The following FRK variants were observed in gnomAD, a reference collection of about 807,000 sequenced individuals.
FRK encodes the protein tyrosine-protein kinase FRK.
Under a neutral mutation model 56.4 loss-of-function variants are expected in FRK, and 51 were observed. The observed-to-expected ratio is 0.90, with a 90% CI of 0.72 to 1.14. The LOEUF (loss-of-function observed/expected upper bound fraction) is 1.14, where lower values mean the gene tolerates loss of function less well. Among genes scored for constraint, FRK ranks in the 50% most tolerant of loss-of-function variants. FRK has a pLI of 0.00. For missense variants in FRK, 570 were observed against 601.4 expected, an observed-to-expected ratio of 0.95 and a Z score of 0.55; for synonymous variants, 245 against 217.9, an observed-to-expected ratio of 1.12 and a Z score of -1.10.
At chr6:115,966,429 A>T (rs181006273) in intron 4 of FRK, among the ~76,000 whole-genome samples, 6 of 152,346 alleles carry the variant, frequency 3.9e-5, no homozygotes, top group South Asian at 2.1e-4. Flanking sequence ...AATATTCAGG[A>T]TGTTGACTTC....
At chr6:115,958,659 A>G (rs1399316187) in intron 4 of FRK, among the ~76,000 whole-genome samples, 3 of 2,640 alleles carry the variant, frequency 1.1e-3, no homozygotes, top group African/African-American at 4.1e-3. Context: ...AAAGAAAGAA[A>G]GAAAGAAAGA....
chr6:116,027,130 C>T (rs1776123342), intron 1 of FRK, among the ~76,000 whole-genome samples: 1 of 152,116 alleles, frequency 6.6e-6, no homozygotes, highest in South Asian at 2.1e-4. Flanking sequence ...CTAATTACTT[C>T]ACAAAGTGAT....
intron 3 of FRK, 113 bp downstream of exon 3, chr6:115,968,463 A>T: frequency 8.5e-7 from 1 of 1,170,688 alleles, no homozygotes; most frequent in Non-Finnish European, 1.2e-6. Context: ...TACCCGCCTG[A>T]GGTAATAAAA....
chr6:115,966,134 A>C lies in FRK; in HGVS notation c.799+1417T>G, dbSNP rs141971698. Among the ~76,000 whole-genome samples, 217 of 152,292 alleles carry C rather than the reference A, an allele frequency of 1.4e-3. 1 individual carries two copies. Among genetic ancestry groups the C allele is most frequent in the African/African-American group, 4.8e-3 (198 of 41,580 alleles). ...CAATTTAATAGCCATTTGAAAAAGTAACACAGGTAAATTGAAAGGAAAACA... is the reference window on the plus strand; with the variant it reads ...CAATTTAATAGCCATTTGAAAAAGTCACACAGGTAAATTGAAAGGAAAACA... On this transcript the variant is annotated intron_variant, in intron 4 of 7. Transcript: ENST00000606080.
chr6:115,990,444 A>G (rs536462389), intron 2 of FRK, among the ~76,000 whole-genome samples: 71 of 151,932 alleles, frequency 4.7e-4, no homozygotes, highest in African/African-American at 1.6e-3. Context: ...ATCTTGGGTT[A>G]ATTTTTGTAT....
At chr6:115,970,402 G>T (rs1773759939) in intron 2 of FRK, among the ~76,000 whole-genome samples, 1 of 152,152 alleles carries the variant, frequency 6.6e-6, no homozygotes, top group South Asian at 2.1e-4. Context: ...TGCCTGATTT[G>T]TAAGGGTTCA....
intron 1 of FRK, chr6:116,038,754 C>A: frequency 8.2e-6 from 4 of 485,214 alleles, no homozygotes. Context: ...AGCTCCAGCG[C>A]CATGGCGACC....
chr6:116,023,189 T>G (rs1331970387), intron 1 of FRK, among the ~76,000 whole-genome samples: 2 of 152,210 alleles, frequency 1.3e-5, no homozygotes, highest in Non-Finnish European at 2.9e-5. Context: ...CTCTCATATG[T>G]AAAGTCAAAA....
chr6:116,029,033 CA>C (rs1376227892), intron 1 of FRK, among the ~76,000 whole-genome samples: 6 of 152,114 alleles, frequency 3.9e-5, no homozygotes, highest in African/African-American at 1.4e-4. Context: ...GCTCCAGCCA[CA>C]CCAAGCTCCT....
At chr6:116,088,507 A>T in the FRK span, among the ~76,000 whole-genome samples, 1 of 152,210 alleles carries the variant, frequency 6.6e-6, no homozygotes, top group African/African-American at 2.4e-5. Flanking sequence ...AATCTCACCA[A>T]ATAACATTTA....
chr6:115,991,941 T>G (rs1175911240), intron 2 of FRK, among the ~76,000 whole-genome samples: 2 of 151,612 alleles, frequency 1.3e-5, no homozygotes, highest in African/African-American at 4.8e-5. Flanking sequence ...TATTACTGAT[T>G]CAGTTTCAGT....
At position 115,956,544 on chromosome 6, in the gene FRK, A is replaced by C; in HGVS notation, c.866T>G (p.Leu289Arg). The C allele has an allele frequency of 6.3e-7, 1 of 1,595,138 alleles. No homozygotes were observed. Among genetic ancestry groups the C allele is most frequent in the South Asian group, 1.2e-5 (1 of 85,272 alleles). ...QIMKNLRHPK[L>R]IQLYAVCTLE... ...AGTGCAAACAGCATAAAGCTGGATA[A>C]GCTTTGGATGTCTTAGGTTCTTCAT... is the stretch of plus-strand genomic sequence containing the variant. Residue 289 changes from leucine (L) to arginine (R), a missense_variant, in exon 5 of 8, where the codon CTT (leucine) becomes CGT (arginine). Leu to Arg is a moderately radical substitution (Grantham distance 102). Transcript: ENST00000606080.
chr6:116,086,626 C>A, the FRK span, among the ~76,000 whole-genome samples: 2 of 152,124 alleles, frequency 1.3e-5, no homozygotes, highest in Non-Finnish European at 2.9e-5. Flanking sequence ...GAAATTGGCT[C>A]CAAGCAACTG....
the FRK span, among the ~76,000 whole-genome samples, chr6:116,098,253 A>G: frequency 5.1e-3 from 775 of 152,032 alleles, 7 homozygotes; most frequent in African/African-American, 0.017. Flanking sequence ...CTAGGACTAT[A>G]GGTGCCTGCC....
chr6:116,039,145 A>G, intron 1 of FRK: 1 of 963,312 alleles, frequency 1.0e-6, no homozygotes, highest in South Asian at 1.3e-5. Context: ...GGGAGAAGCT[A>G]GCTGAAAGGG....
chr6:115,966,141 G>C (rs916649315), intron 4 of FRK, among the ~76,000 whole-genome samples: 3 of 150,102 alleles, frequency 2.0e-5, no homozygotes, highest in Admixed American at 2.0e-4. Context: ...AGTAACACAG[G>C]TAAATTGAAA....
intron 1 of FRK, among the ~76,000 whole-genome samples, chr6:116,022,944 C>CA (rs1482522488): frequency 6.6e-6 from 1 of 152,066 alleles, no homozygotes; most frequent in Non-Finnish European, 1.5e-5. Flanking sequence ...AAGCAGTCAA[C>CA]AAAAACGAAC....
chr6:116,009,518 C>T (rs896416223), intron 1 of FRK, among the ~76,000 whole-genome samples: 1 of 152,084 alleles, frequency 6.6e-6, no homozygotes, highest in African/African-American at 2.4e-5. Flanking sequence ...AAAAAAGTAT[C>T]CAGTAAAATA....
rs563923955 is a variant in FRK at position 115,942,430 on chromosome 6, T to C, written c.1502A>G (p.Asn501Ser). ...FETDSSYSDA[N>S]NFIR ...CTCCAGTGTTCATCTTATGAAGTTA[T>C]TTGCATCTGAATATGAAGAGTCTGT... is the stretch of plus-strand genomic sequence containing the variant. The change falls in exon 8 of 8, where the codon AAT (asparagine) becomes AGT (serine). Residue 501 changes from asparagine to serine, a missense_variant. Coordinates refer to ENST00000606080, the MANE Select transcript of FRK (RefSeq NM_002031.3). 5.6e-6 allele frequency: 9 copies of C among 1,612,582 alleles called. No homozygotes were observed. In the South Asian group the frequency reaches 8.8e-5, roughly 16 times the overall value.
Sources: allele counts gnomAD v4.1 joint callset (sites outside exome capture counted in the v4.1 genomes callset), GRCh38; gene constraint gnomAD v4.1.1; transcripts MANE v1.5; gene names NCBI Gene and HGNC (gene_info 2026-07-23, HGNC 2026-07-21).